Variants in GMEB1 observed in about 807,000 individuals in gnomAD.
GMEB1 encodes glucocorticoid modulatory element-binding protein 1.
Under a neutral mutation model 52.4 loss-of-function variants are expected in GMEB1, and 6 were observed. The ratio of observed to expected loss-of-function variants is 0.11; its 90% CI spans 0.06 to 0.23. The LOEUF is 0.23. GMEB1 is among the 10% of genes least tolerant of loss of function. The probability of loss-of-function intolerance (pLI) is 1.00; values close to 1 mark genes in which losing one functional copy is unlikely to be tolerated. For missense variants in GMEB1, 486 were observed against 685.6 expected (o/e 0.71, Z 3.25); for synonymous variants, 255 against 244.9 (o/e 1.04, Z -0.38).
intron 4 of GMEB1, among the ~76,000 whole-genome samples, chr1:28,692,530 CAA>C (rs1159602992): frequency 2.7e-5 from 3 of 110,250 alleles, no homozygotes; most frequent in Non-Finnish European, 2.0e-5. Context: ...GACTCTGTCT[CAA>C]AAAAAAAAAA....
chr1:28,700,828 T>C (rs1333595453), intron 6 of GMEB1, among the ~76,000 whole-genome samples: 1 of 152,224 alleles, frequency 6.6e-6, no homozygotes, highest in East Asian at 1.9e-4. Flanking sequence ...GACACTTGAC[T>C]CTTTCACTTG....
Position 28,672,419 on chromosome 1 carries a change from T to A in GMEB1, c.-31+3580T>A, listed in dbSNP as rs1461774496. 8.9e-5 allele frequency among the ~76,000 whole-genome samples: 13 copies of A among 145,690 alleles called. No individual in the cohort carries two copies. The East Asian group carries it at 2.2e-3, about 25-fold the overall frequency. On this transcript the variant is annotated intron_variant, in intron 1 of 9. Coordinates refer to ENST00000373816, the MANE Select transcript of GMEB1 (RefSeq NM_001319674.2). ...TTTGTATTTTTTGTAGAGATGGGGT[T>A]TCACCGTGTTAGCCAGGATGATCTC...
intron 8 of GMEB1, 69 bp downstream of exon 8, chr1:28,704,398 G>A: frequency 7.4e-7 from 1 of 1,347,818 alleles, no homozygotes; most frequent in South Asian, 1.6e-5. Flanking sequence ...GGTCCTGTAA[G>A]CCTTGCAAAA....
intron 8 of GMEB1, 102 bp downstream of exon 8, chr1:28,704,431 A>G: frequency 1.1e-6 from 1 of 871,874 alleles, no homozygotes; most frequent in Non-Finnish European, 1.7e-6. Context: ...AGGTATTATT[A>G]TCTTAATTTT....
intron 2 of GMEB1, among the ~76,000 whole-genome samples, chr1:28,688,751 C>G (rs1173017173): frequency 6.6e-6 from 1 of 151,854 alleles, no homozygotes; most frequent in African/African-American, 2.4e-5. Flanking sequence ...CCGTTTCCAG[C>G]AAGGGACATC....
At chr1:28,680,853 G>GA (rs1488726251) in intron 1 of GMEB1, among the ~76,000 whole-genome samples, 4 of 152,012 alleles carry the variant, frequency 2.6e-5, no homozygotes, top group Non-Finnish European at 5.9e-5. Flanking sequence ...AGACCAACCT[G>GA]ACCAACATGG....
At chr1:28,706,977 G>GGTTT (rs1400064023) in intron 8 of GMEB1, among the ~76,000 whole-genome samples, 3 of 82,766 alleles carry the variant, frequency 3.6e-5, no homozygotes, top group Admixed American at 1.5e-4. Context: ...TCCAGATTTG[G>GGTTT]TTTTTTTTTT....
At chr1:28,695,938 CAAAAAAAAAAAAAAAAAAAAAAAAAAA>C (rs58978972) in intron 5 of GMEB1, among the ~76,000 whole-genome samples, 2 of 41,052 alleles carry the variant, frequency 4.9e-5, no homozygotes, top group African/African-American at 2.3e-4. Context: ...GACTCCGTCT[CAAAAAAAAAAAAAAAAAAAAAAAAAAA>C]AAAAAAAAAT....
intron 1 of GMEB1, among the ~76,000 whole-genome samples, chr1:28,675,778 C>A (rs746033505): frequency 6.6e-6 from 1 of 152,058 alleles, no homozygotes; most frequent in Admixed American, 6.6e-5. Context: ...TACTCCAAAG[C>A]CCCGAACGAT....
rs1175769572 is a variant in GMEB1 at position 28,714,953 on chromosome 1, A to G, written c.*180A>G. 1 of 578,392 alleles carries G rather than the reference A, an allele frequency of 1.7e-6. No homozygotes were observed. The highest frequency in any genetic ancestry group is 3.1e-6 in the Non-Finnish European group (1 of 327,628). The allele number at this position is 578,392 out of a possible 1,614,324, so 35.8% of individuals were successfully genotyped here. A position where few individuals can be genotyped will look rare whatever the true frequency, so the allele number is the denominator to read the frequency against. ...ACTCCCTCATTGAAAAATGGACAAA[A>G]CAAGCTGCCCTTCCAGAAGTTGAGA... On this transcript the variant is annotated 3_prime_UTR_variant, in exon 10 of 10. Transcript: ENST00000373816.
chr1:28,714,389 C>T lies in GMEB1; in HGVS notation c.1308C>T (p.Phe436=). The T allele has an allele frequency of 6.2e-7, 1 of 1,614,234 alleles. No individual in the cohort carries two copies. The highest frequency in any genetic ancestry group is 8.5e-7 in the Non-Finnish European group (1 of 1,180,034). ...VHTLPSGPQL[F]RYATVVSSAK... ...CACTGCCTTCTGGCCCTCAGCTCTTCCGCTATGCCACAGTGGTCTCCTCTG... is the reference window on the plus strand; with the variant it reads ...CACTGCCTTCTGGCCCTCAGCTCTTTCGCTATGCCACAGTGGTCTCCTCTG... The change falls in exon 10 of 10, where the codon TTC becomes TTT. Residue 436 remains phenylalanine (F), a synonymous_variant. Transcript: ENST00000373816.
At chr1:28,683,766 C>A in intron 2 of GMEB1, 26 bp downstream of exon 2, 1 of 1,610,020 alleles carries the variant, frequency 6.2e-7, no homozygotes, top group South Asian at 1.1e-5. Context: ...TTTGGGTATT[C>A]TGAAGTATTT....
intron 5 of GMEB1, among the ~76,000 whole-genome samples, chr1:28,694,167 T>C (rs1484402261): frequency 6.6e-6 from 1 of 151,822 alleles, no homozygotes; most frequent in Middle Eastern, 3.2e-3. Flanking sequence ...GCTAAAATGT[T>C]GACATGGTCT....
Position 28,702,612 on chromosome 1 carries a change from G to A in GMEB1, c.730+43G>A, listed in dbSNP as rs531256545. ...TCAGATGTCTTGCAGGGTCTTGTGAGCCTTATCACCATTATCATTATGGAC... is the reference window on the plus strand; with the variant it reads ...TCAGATGTCTTGCAGGGTCTTGTGAACCTTATCACCATTATCATTATGGAC... On this transcript the variant is annotated intron_variant, in intron 7 of 9. Coordinates refer to ENST00000373816, the MANE Select transcript of GMEB1 (RefSeq NM_001319674.2). 21 of 1,579,190 alleles carry A rather than the reference G, an allele frequency of 1.3e-5. No individual in the cohort carries two copies. The East Asian group carries it at 4.7e-4, about 36-fold the overall frequency.
At chr1:28,681,128 G>A (rs571361805) in intron 1 of GMEB1, among the ~76,000 whole-genome samples, 11 of 152,166 alleles carry the variant, frequency 7.2e-5, no homozygotes, top group Non-Finnish European at 1.5e-4. Context: ...GTGAGATGAT[G>A]GTTGTGACGG....
At chr1:28,695,323 C>T (rs1346900673) in intron 5 of GMEB1, among the ~76,000 whole-genome samples, 1 of 151,678 alleles carries the variant, frequency 6.6e-6, no homozygotes, top group East Asian at 2.0e-4. Flanking sequence ...AACTGTACCT[C>T]CTAGATTCAA....
chr1:28,705,769 C>T (rs1447441299), intron 8 of GMEB1, among the ~76,000 whole-genome samples: 1 of 151,718 alleles, frequency 6.6e-6, no homozygotes, highest in Non-Finnish European at 1.5e-5. Flanking sequence ...TATTTTCAGA[C>T]TCTCTGTATA....
chr1:28,681,771 C>T (rs1306372074), intron 1 of GMEB1, among the ~76,000 whole-genome samples: 1 of 151,790 alleles, frequency 6.6e-6, no homozygotes, highest in Non-Finnish European at 1.5e-5. Context: ...GGCATGATCT[C>T]GGCTCACCGC....
chr1:28,676,726 AAAAAAAAT>A (rs1244266508), intron 1 of GMEB1, among the ~76,000 whole-genome samples: 1 of 150,776 alleles, frequency 6.6e-6, no homozygotes, highest in Non-Finnish European at 1.5e-5. Flanking sequence ...CTCCGTCTCA[AAAAAAAAT>A]AAATAAATAA....
Sources: allele counts gnomAD v4.1 joint callset (sites outside exome capture counted in the v4.1 genomes callset), GRCh38; gene constraint gnomAD v4.1.1; transcripts MANE v1.5; gene names NCBI Gene and HGNC (gene_info 2026-07-23, HGNC 2026-07-21).